Variants in NOL4L observed in about 807,000 individuals in gnomAD.
The protein encoded by NOL4L is nucleolar protein 4-like.
Under a neutral mutation model 64.5 loss-of-function variants are expected in NOL4L, and 7 were observed. That is an observed-to-expected ratio of 0.11 (90% CI 0.06 to 0.20). NOL4L has a LOEUF of 0.20. Ranked by LOEUF, NOL4L falls within the 10% of genes least tolerant of loss-of-function variation. The pLI is 1.00. For synonymous variants in NOL4L, 413 were observed against 401.0 expected, an observed-to-expected ratio of 1.03 and a Z score of -0.36; for missense variants, 680 against 967.1, an observed-to-expected ratio of 0.70 and a Z score of 3.94.
chr20:32,488,827 T>TTTCTTTC lies in NOL4L; in HGVS notation c.700-14086_700-14085insGAAAGAA, dbSNP rs2016294538. On this transcript the variant is annotated intron_variant, in intron 4 of 10. Coordinates refer to ENST00000621426, the MANE Select transcript of NOL4L (RefSeq NM_001256798.2). ...TCTTTTTCTTTCTTTCTTTCTTTCT[T>TTTCTTTC]TTTCTTTCTTTCTTTCTTTCTTTCT... Among the ~76,000 whole-genome samples the TTTCTTTC allele has an allele frequency of 1.1e-3, 36 of 33,136 alleles. 3 individuals are homozygous for TTTCTTTC. The highest frequency in any genetic ancestry group is 1.5e-3 in the Non-Finnish European group (28 of 18,888). 21.7% of individuals were successfully genotyped at this position (33,136 alleles called of 152,430 possible).
intron 5 of NOL4L, among the ~76,000 whole-genome samples, chr20:32,459,155 G>C (rs1272248552): frequency 2.0e-5 from 3 of 152,168 alleles, no homozygotes; most frequent in Non-Finnish European, 4.4e-5. Flanking sequence ...ACCTCGTATG[G>C]CCAAGTGTTC....
chr20:32,479,015 GAGA>G (rs1258890414), intron 4 of NOL4L, among the ~76,000 whole-genome samples: 3 of 152,232 alleles, frequency 2.0e-5, no homozygotes, highest in South Asian at 4.1e-4. Flanking sequence ...GGCTGAGGTA[GAGA>G]AGAAGACTTC....
chr20:32,491,188 G>A (rs1349467521), intron 4 of NOL4L, among the ~76,000 whole-genome samples: 2 of 152,208 alleles, frequency 1.3e-5, no homozygotes, highest in Non-Finnish European at 2.9e-5. Flanking sequence ...ATGGGATCCT[G>A]ATCTGCATGC....
Position 32,566,000 on chromosome 20 carries a change from G to A in NOL4L, c.321+18570C>T, listed in dbSNP as rs140769780. Among the ~76,000 whole-genome samples, 54 of 152,266 alleles carry A rather than the reference G, an allele frequency of 3.5e-4. No individual in the cohort carries two copies. In the East Asian group the frequency reaches 5.8e-3, roughly 16 times the overall value. On this transcript the variant is annotated intron_variant, in intron 1 of 10. Coordinates refer to ENST00000621426, the MANE Select transcript of NOL4L (RefSeq NM_001256798.2). ...GTCAAGGCTGCAGTGAGCTGTGATCGCACCACTGCACTCCAGCCTGGGCAA... is the reference window on the plus strand; with the variant it reads ...GTCAAGGCTGCAGTGAGCTGTGATCACACCACTGCACTCCAGCCTGGGCAA...
chr20:32,472,559 C>A (rs964235851), intron 5 of NOL4L, among the ~76,000 whole-genome samples: 6 of 152,204 alleles, frequency 3.9e-5, no homozygotes, highest in Non-Finnish European at 8.8e-5. Flanking sequence ...ATTTCTGCAC[C>A]GTGAGCACCT....
At chr20:32,462,585 A>C (rs536427383) in intron 5 of NOL4L, among the ~76,000 whole-genome samples, 2 of 140,270 alleles carry the variant, frequency 1.4e-5, no homozygotes, top group East Asian at 2.4e-4. Context: ...ATCCGATTGG[A>C]ATTCTTCCTC....
In NOL4L at chr20:32,446,674, G is replaced by A. The variant is rs1177983038; in HGVS notation, c.*922C>T. 1 of 153,982 alleles carries A rather than the reference G, an allele frequency of 6.5e-6. No homozygotes were observed. The allele number at this position is 153,982 out of a possible 1,614,324, so 9.5% of individuals were successfully genotyped here. ...GGGACAGGACGCTCTCTGGGTTCCA[G>A]CTCCTGGACACCCAGTCTGGACTTA... On this transcript the variant is annotated 3_prime_UTR_variant, in exon 11 of 11. Transcript: ENST00000621426.
chr20:32,447,902 T>A, intron 10 of NOL4L, 86 bp from the exon 11 acceptor site: 1 of 1,468,372 alleles, frequency 6.8e-7, no homozygotes, highest in African/African-American at 1.4e-5. Flanking sequence ...TGTCATAACC[T>A]ATGGCCTAGT....
chr20:32,524,561 T>C (rs762151627), intron 2 of NOL4L, among the ~76,000 whole-genome samples: 19 of 152,178 alleles, frequency 1.2e-4, no homozygotes, highest in Non-Finnish European at 2.4e-4. Flanking sequence ...AGAGGGGCCC[T>C]GTGCCCTAGA....
rs757094485 is a variant in NOL4L, at chr20:32,474,704, G to A, written c.738C>T (p.Ser246=). The part of the protein sequence containing the change: ...TSVSSEDFDM[S]DSTWMSADPH... ...GGTCAGCTGACATCCATGTGGAGTC[G>A]CTCATATCAAAATCCTCGCTGCTCA... The change falls in exon 5 of 11, where the codon AGC becomes AGT. Residue 246 remains serine, a synonymous_variant. Coordinates refer to ENST00000621426, the MANE Select transcript of NOL4L (RefSeq NM_001256798.2). 87 of 1,613,502 alleles carry A rather than the reference G, an allele frequency of 5.4e-5. No individual in the cohort carries two copies. The highest frequency in any genetic ancestry group is 6.5e-5 in the Non-Finnish European group (77 of 1,179,842).
chr20:32,491,819 A>G (rs953289673), intron 4 of NOL4L, among the ~76,000 whole-genome samples: 2 of 152,198 alleles, frequency 1.3e-5, no homozygotes, highest in Non-Finnish European at 2.9e-5. Flanking sequence ...GATGTTCCCT[A>G]AAGAACACAC....
chr20:32,456,412 G>A lies in NOL4L; in HGVS notation c.842-17C>T. The A allele has an allele frequency of 6.9e-7, 1 of 1,454,232 alleles. No individual in the cohort carries two copies. The highest frequency in any genetic ancestry group is 9.1e-7 in the Non-Finnish European group (1 of 1,100,756). The allele number at this position is 1,454,232 out of a possible 1,614,324, so 90.1% of individuals were successfully genotyped here. On this transcript the variant is annotated splice_polypyrimidine_tract_variant and intron_variant, in intron 5 of 10. Transcript: ENST00000621426. ...AGGAGTCATCTGGAATGAGAGGCCT[G>A]GGTGTGAGGCCCCACCCAAGGCACT...
intron 1 of NOL4L, among the ~76,000 whole-genome samples, chr20:32,551,378 AATC>A (rs58444321): frequency 0.15 from 21,886 of 149,486 alleles, 2,779 homozygotes; most frequent in East Asian, 0.36. Flanking sequence ...TCGGTCTCAA[AATC>A]ATCATCATCA....
intron 5 of NOL4L, chr20:32,465,215 T>C: frequency 2.2e-6 from 1 of 450,576 alleles, no homozygotes. Flanking sequence ...ATGCCTGATT[T>C]GCACAACCAC....
intron 1 of NOL4L, among the ~76,000 whole-genome samples, chr20:32,571,058 A>C (rs1286920173): frequency 6.6e-6 from 1 of 152,184 alleles, no homozygotes. Context: ...TCCAGAGCCA[A>C]GTATGTTGGG....
chr20:32,492,224 C>G (rs1205913725), intron 4 of NOL4L, among the ~76,000 whole-genome samples: 1 of 152,208 alleles, frequency 6.6e-6, no homozygotes, highest in East Asian at 1.9e-4. Context: ...TGTGGGCCCC[C>G]CATACCATGA....
At chr20:32,576,969 C>A (rs1249881199) in intron 1 of NOL4L, among the ~76,000 whole-genome samples, 2 of 152,178 alleles carry the variant, frequency 1.3e-5, no homozygotes, top group African/African-American at 4.8e-5. Flanking sequence ...GGGGTCCTCC[C>A]GTGCCCCTGC....
intron 4 of NOL4L, among the ~76,000 whole-genome samples, chr20:32,502,097 C>T (rs1167425312): frequency 1.3e-5 from 2 of 151,896 alleles, no homozygotes; most frequent in Admixed American, 1.3e-4. Context: ...TACTTATTTC[C>T]TACAGCAAGA....
chr20:32,454,682 G>A (rs1363712381), intron 6 of NOL4L, among the ~76,000 whole-genome samples: 1 of 152,238 alleles, frequency 6.6e-6, no homozygotes, highest in African/African-American at 2.4e-5. Context: ...TGCCTTCGAT[G>A]TGTCCTAAGT....
Sources: gnomAD v4.1 joint callset for allele counts (sites outside exome capture counted in the v4.1 genomes callset) on GRCh38, gnomAD v4.1.1 for gene constraint, MANE v1.5 for transcripts, NCBI Gene and HGNC (gene_info 2026-07-23, HGNC 2026-07-21) for gene names.